The following TCF7L1 variants were observed in gnomAD, a reference collection of about 807,000 sequenced individuals.
The protein encoded by TCF7L1 is transcription factor 7 like 1.
TCF7L1 carries 18 observed loss-of-function variants against 63.7 expected under a neutral mutation model. The ratio of observed to expected loss-of-function variants is 0.28; its 90% CI spans 0.20 to 0.42. TCF7L1 has a LOEUF of 0.42. Among genes scored for constraint, TCF7L1 ranks in the 10% least tolerant of loss-of-function variants. The pLI, the probability that TCF7L1 is intolerant of heterozygous loss-of-function variation, is 1.00. For synonymous variants in TCF7L1, 355 were observed against 340.9 expected (o/e 1.04, Z -0.46); for missense variants, 654 against 779.3 (o/e 0.84, Z 1.91).
intron 4 of TCF7L1, among the ~76,000 whole-genome samples, chr2:85,287,359 C>T (rs1681587792): frequency 6.6e-6 from 1 of 152,196 alleles, no homozygotes; most frequent in Admixed American, 6.5e-5. Context: ...TTCATCATCA[C>T]TTATTCCTCT....
rs1677514936 is a variant in TCF7L1, at chr2:85,133,719, G to GCGA, written c.37_38insACG (p.Gly12_Gly13insAsp). 1 of 1,158,826 alleles carries GCGA rather than the reference G, an allele frequency of 8.6e-7. No individual in the cohort carries two copies. Among genetic ancestry groups the GCGA allele is most frequent in the African/African-American group, 1.6e-5 (1 of 61,482 alleles). The allele number at this position is 1,158,826 out of a possible 1,614,324, so 71.8% of individuals were successfully genotyped here. On this transcript the variant is annotated inframe_insertion, in exon 1 of 12. Transcript: ENST00000282111. The surrounding 1 kb of genome is among the most constrained non-coding windows in gnomAD (Gnocchi z 4.4). ...CTCGGCGGCGGGGGCGGCGGCGGCG[G>GCGA]CGGCGGCAGCGGGGGAGGCGGCGGC...
chr2:85,281,276 T>C (rs4832154), intron 3 of TCF7L1, among the ~76,000 whole-genome samples: 46,039 of 151,934 alleles, frequency 0.3, 7,340 homozygotes, highest in East Asian at 0.57. Flanking sequence ...TTGCCCACCT[T>C]GGCCTCCCAA....
At chr2:85,155,177 C>G (rs548392308) in intron 3 of TCF7L1, among the ~76,000 whole-genome samples, 1 of 152,118 alleles carries the variant, frequency 6.6e-6, no homozygotes, top group Admixed American at 6.6e-5. Context: ...CTTCCTTGGT[C>G]GAATGGGTAC....
At chr2:85,153,340 A>ATATTTTTTTTT (rs750002994) in intron 3 of TCF7L1, among the ~76,000 whole-genome samples, 4 of 102,308 alleles carry the variant, frequency 3.9e-5, no homozygotes, top group African/African-American at 1.7e-4. Context: ...GCCTTTATAA[A>ATATTTTTTTTT]TTTTTTTTTT....
chr2:85,274,485 C>T lies in TCF7L1; in HGVS notation c.442-9010C>T, dbSNP rs1005121033. Among the ~76,000 whole-genome samples the T allele has an allele frequency of 2.0e-5, 3 of 152,150 alleles. No homozygotes were observed. In the South Asian group the frequency reaches 6.2e-4, roughly 32 times the overall value. The stretch of plus-strand genomic sequence containing the variant: ...TCCATCAAGACCTCAAGCAGGCCCA[C>T]GTCAGCTGAGAACCATGTGTGTCTC... On this transcript the variant is annotated intron_variant, in intron 3 of 11. Coordinates refer to ENST00000282111, the MANE Select transcript of TCF7L1 (RefSeq NM_031283.3).
intron 4 of TCF7L1, among the ~76,000 whole-genome samples, chr2:85,285,611 C>A (rs80269582): frequency 6.6e-6 from 1 of 152,246 alleles, no homozygotes; most frequent in Admixed American, 6.5e-5. Flanking sequence ...GGCCCAGAGT[C>A]CCACTTGGGA....
intron 3 of TCF7L1, among the ~76,000 whole-genome samples, chr2:85,243,165 C>A (rs1335377529): frequency 6.6e-6 from 1 of 152,184 alleles, no homozygotes; most frequent in Non-Finnish European, 1.5e-5. Context: ...TTCGAAAGAA[C>A]TAATTCTGTA....
At chr2:85,155,970 G>C (rs535654947) in intron 3 of TCF7L1, among the ~76,000 whole-genome samples, 1 of 152,336 alleles carries the variant, frequency 6.6e-6, no homozygotes, top group South Asian at 2.1e-4. Flanking sequence ...GTGGTCCTCA[G>C]TGAAGATTAT....
intron 3 of TCF7L1, among the ~76,000 whole-genome samples, chr2:85,267,330 CAAAAAAAAAAAA>C (rs1217663362): frequency 4.5e-5 from 2 of 44,178 alleles, no homozygotes; most frequent in Non-Finnish European, 9.0e-5. Flanking sequence ...GGCTCTGTCT[CAAAAAAAAAAAA>C]AAAAAAAAAA....
chr2:85,308,978 C>T, intron 11 of TCF7L1, 51 bp from the exon 12 acceptor site: 3 of 1,524,922 alleles, frequency 2.0e-6, no homozygotes, highest in Non-Finnish European at 2.6e-6. Context: ...CCTCAGCCTC[C>T]TCCTCTCACA....
intron 4 of TCF7L1, among the ~76,000 whole-genome samples, chr2:85,290,355 A>C (rs1009309127): frequency 4.6e-5 from 7 of 151,764 alleles, no homozygotes; most frequent in African/African-American, 1.7e-4. Flanking sequence ...ATTTAAAAAA[A>C]ATTAGAGTTA....
At chr2:85,288,514 G>A (rs888391404) in intron 4 of TCF7L1, among the ~76,000 whole-genome samples, 1 of 152,150 alleles carries the variant, frequency 6.6e-6, no homozygotes, top group Admixed American at 6.5e-5. Context: ...TTGAGATTAT[G>A]AAATGTATTT....
intron 3 of TCF7L1, among the ~76,000 whole-genome samples, chr2:85,209,125 C>T (rs184564141): frequency 2.6e-5 from 4 of 151,142 alleles, no homozygotes; most frequent in South Asian, 2.1e-4. Flanking sequence ...AAGCTGTTTC[C>T]GATTGCCAGG....
chr2:85,301,971 C>CA (rs1681990281), intron 4 of TCF7L1, among the ~76,000 whole-genome samples: 1 of 151,772 alleles, frequency 6.6e-6, no homozygotes, highest in Admixed American at 6.6e-5. Flanking sequence ...ACTAAAAATA[C>CA]AAAAAAATTA....
chr2:85,163,504 C>T (rs193037084), intron 3 of TCF7L1, among the ~76,000 whole-genome samples: 149 of 152,236 alleles, frequency 9.8e-4, no homozygotes, highest in South Asian at 1.7e-3. Flanking sequence ...AATTTCAGAT[C>T]GATCAGTGGG....
In TCF7L1 at chr2:85,219,490, A is replaced by G. The variant is rs1679795723; in HGVS notation, c.442-64005A>G. ...ATATGTGGCCATCTATGTATTAAAT[A>G]AATAAATATAGTCATCTAGTAGAAT... On this transcript the variant is annotated intron_variant, in intron 3 of 11. Transcript: ENST00000282111. Among the ~76,000 whole-genome samples, 5 of 152,362 alleles carry G rather than the reference A, an allele frequency of 3.3e-5. No homozygotes were observed. In the South Asian group the frequency reaches 8.3e-4, roughly 25 times the overall value.
intron 4 of TCF7L1, among the ~76,000 whole-genome samples, chr2:85,297,360 A>G (rs1029680589): frequency 6.6e-6 from 1 of 152,160 alleles, no homozygotes; most frequent in Admixed American, 6.5e-5. Flanking sequence ...CTCAGAAAGT[A>G]TTTGTTGACC....
chr2:85,250,500 T>A (rs1057242725), intron 3 of TCF7L1, among the ~76,000 whole-genome samples: 1 of 152,016 alleles, frequency 6.6e-6, no homozygotes, highest in African/African-American at 2.4e-5. Flanking sequence ...GCAGTGGTGC[T>A]ATCTCGGCTC....
chr2:85,163,425 A>G (rs1678334321), intron 3 of TCF7L1, among the ~76,000 whole-genome samples: 1 of 152,074 alleles, frequency 6.6e-6, no homozygotes, highest in Non-Finnish European at 1.5e-5. Context: ...TCACCCAGTC[A>G]CATCATCCAA....
Sources: gnomAD v4.1 joint callset for allele counts (sites outside exome capture counted in the v4.1 genomes callset) on GRCh38, gnomAD v4.1.1 for gene constraint, Gnocchi (gnomAD v3.1) non-coding constraint, MANE v1.5 for transcripts, NCBI Gene and HGNC (gene_info 2026-07-23, HGNC 2026-07-21) for gene names.